Variants in SAMD11 observed in about 807,000 individuals in gnomAD.
SAMD11 encodes the protein sterile alpha motif domain-containing protein 11.
SAMD11 carries 77 observed loss-of-function variants against 64.4 expected under a neutral mutation model. The ratio of observed to expected loss-of-function variants is 1.20; its 90% CI spans 0.99 to 1.44. The LOEUF is 1.44. Among genes scored for constraint, SAMD11 ranks in the 40% most tolerant of loss-of-function variants. The pLI, the probability that SAMD11 is intolerant of heterozygous loss-of-function variation, is 0.00. For missense variants in SAMD11, 1,402 were observed against 943.3 expected, an observed-to-expected ratio of 1.49 and a Z score of -6.37; for synonymous variants, 658 against 421.9, an observed-to-expected ratio of 1.56 and a Z score of -6.86.
intron 4 of SAMD11, among the ~76,000 whole-genome samples, chr1:932,165 A>G (rs1235211058): frequency 6.6e-6 from 1 of 152,254 alleles, no homozygotes; most frequent in Non-Finnish European, 1.5e-5. Flanking sequence ...ATTTTTATGA[A>G]CTGTCATGAA....
Position 938,934 on chromosome 1 carries a change from G to A in SAMD11, c.968-106G>A, listed in dbSNP as rs117605689. ...CAAGGCCTGTACTCACCAGGACCAA[G>A]GGCCCCCTGAGAGATGGTGGGTGCG... On this transcript the variant is annotated intron_variant, in intron 5 of 13. Transcript: ENST00000616016. 3,038 of 998,772 alleles carry A rather than the reference G, an allele frequency of 3.0e-3. 91 individuals carry two copies. In the Admixed American group the frequency reaches 0.048, roughly 16 times the overall value. 61.9% of individuals were successfully genotyped at this position (998,772 alleles called of 1,614,324 possible).
rs1642013389 is a variant in SAMD11, at chr1:944,259, C to CA, written c.*112dup. Reference sequence around the variant, plus strand: ...ATTTCTTTCGGTTTCGGATGCAAAACAAAAAATTTTAAAAGAAAATGTGAC... The same window carrying CA: ...ATTTCTTTCGGTTTCGGATGCAAAACAAAAAAATTTTAAAAGAAAATGTGAC... On this transcript the variant is annotated 3_prime_UTR_variant, in exon 14 of 14. Transcript: ENST00000616016. 1.4e-6 allele frequency: 2 copies of CA among 1,452,868 alleles called. No individual in the cohort carries two copies. The highest frequency in any genetic ancestry group is 2.7e-5 in the Admixed American group (1 of 37,158). The allele number at this position is 1,452,868 out of a possible 1,614,324, so 90.0% of individuals were successfully genotyped here. A position where few individuals can be genotyped will look rare whatever the true frequency, so the allele number is the denominator to read the frequency against.
Position 935,913 on chromosome 1 carries a change from G to C in SAMD11, c.967+17G>C. ...GACCCGCCGGTGAGGAGCACAGGGG[G>C]CCTGAGGGCGGGGTCGGGGCTGTGG... On this transcript the variant is annotated intron_variant, in intron 5 of 13. Transcript: ENST00000616016. 2 of 1,611,382 alleles carry C rather than the reference G, an allele frequency of 1.2e-6. No individual in the cohort carries two copies. Among genetic ancestry groups the C allele is most frequent in the Non-Finnish European group, 1.7e-6 (2 of 1,179,066 alleles).
rs200208120 is a variant in SAMD11 at position 943,826 on chromosome 1, G to C, written c.2289+18G>C. ...GGGCCCAGGTGAGACGCTGGGGAGT[G>C]AGGTCAGGGTCTCCAGACCACAGCT... is the stretch of plus-strand genomic sequence containing the variant. On this transcript the variant is annotated intron_variant, in intron 13 of 13. Coordinates refer to ENST00000616016, the MANE Select transcript of SAMD11 (RefSeq NM_001385641.1). 16 of 1,612,954 alleles carry C rather than the reference G, an allele frequency of 9.9e-6. No individual in the cohort carries two copies. The highest frequency in any genetic ancestry group is 1.4e-5 in the Non-Finnish European group (16 of 1,179,996).
At chr1:928,989 C>G (rs561576659) in intron 2 of SAMD11, among the ~76,000 whole-genome samples, 2 of 152,186 alleles carry the variant, frequency 1.3e-5, no homozygotes, top group Non-Finnish European at 1.5e-5. Flanking sequence ...GGTGACTGAA[C>G]GGAGGAGGGA....
At position 935,832 on chromosome 1, in the gene SAMD11, G is replaced by T. The variant is rs1322022106; in HGVS notation, c.903G>T (p.Met301Ile). ...TCCACCGCAGCCGCCACCTCGTTAT[G>T]CCCGAGCATCAGAGCCGCTGTGAAT... ...SSVHRSRHLV[M>I]PEHQSRCEFQ... Residue 301 changes from methionine (M) to isoleucine (I), a missense_variant, in exon 5 of 14, where the codon ATG (methionine) becomes ATT (isoleucine). Physicochemically the swap from Met to Ile is conservative, Grantham distance 10. Coordinates refer to ENST00000616016, the MANE Select transcript of SAMD11 (RefSeq NM_001385641.1). 1.9e-6 allele frequency: 3 copies of T among 1,613,394 alleles called. No individual in the cohort carries two copies. Among genetic ancestry groups the T allele is most frequent in the Non-Finnish European group, 2.5e-6 (3 of 1,179,874 alleles).
Position 924,514 on chromosome 1 carries a change from T to TGCCGCTGCC in SAMD11, c.93_101dup (p.Pro32_Pro34dup), listed in dbSNP as rs914041204. On this transcript the variant is annotated inframe_insertion, in exon 1 of 14. Transcript: ENST00000616016. ...ACGTTCCACCCGACCCTGGCCGCGC[T>TGCCGCTGCC]GCCGCTGCCGCCGCTGCCAGGCTAC... The TGCCGCTGCC allele has an allele frequency of 7.3e-5, 11 of 149,986 alleles. 1 individual carries two copies. In the East Asian group the frequency reaches 7.8e-4, roughly 11 times the overall value. 9.3% of individuals were successfully genotyped at this position (149,986 alleles called of 1,614,324 possible).
intron 9 of SAMD11, 50 bp from the exon 10 acceptor site, chr1:942,360 C>A: frequency 8.3e-7 from 1 of 1,200,386 alleles, no homozygotes; most frequent in Non-Finnish European, 1.1e-6. Flanking sequence ...AAAGGGCCGG[C>A]TCGGACCGCC....
intron 4 of SAMD11, among the ~76,000 whole-genome samples, chr1:935,263 C>CGT (rs745947098): frequency 1.3e-5 from 2 of 152,254 alleles, no homozygotes; most frequent in African/African-American, 4.8e-5. Context: ...CTGCCGGTGC[C>CGT]GTGTGTGCGT....
In SAMD11 at chr1:944,560, A is replaced by T; in HGVS notation, c.*407A>T. The T allele has an allele frequency of 1.6e-6, 1 of 634,004 alleles. No homozygotes were observed. Among genetic ancestry groups the T allele is most frequent in the Non-Finnish European group, 2.7e-6 (1 of 374,574 alleles). 39.3% of individuals were successfully genotyped at this position (634,004 alleles called of 1,614,324 possible). ...CGTTTGGTCTTTCATGCTGAAAAAT[A>T]AATAATAAAGCCTGTCCCGTGTCTA... On this transcript the variant is annotated 3_prime_UTR_variant, in exon 14 of 14. Transcript: ENST00000616016.
At chr1:938,629 G>A (rs1641584182) in intron 5 of SAMD11, among the ~76,000 whole-genome samples, 3 of 152,170 alleles carry the variant, frequency 2.0e-5, no homozygotes, top group Non-Finnish European at 4.4e-5. Context: ...CTCACCCCAC[G>A]CTGGCATGTG....
intron 4 of SAMD11, 62 bp from the exon 5 acceptor site, chr1:935,710 C>A: frequency 6.2e-7 from 1 of 1,604,238 alleles, no homozygotes; most frequent in South Asian, 1.1e-5. Flanking sequence ...TCCCTGTGCC[C>A]AGGCTGGGCT....
At chr1:935,661 T>A in intron 4 of SAMD11, 111 bp from the exon 5 acceptor site, 1 of 1,449,272 alleles carries the variant, frequency 6.9e-7, no homozygotes, top group Non-Finnish European at 9.5e-7. Context: ...AACGTGGCAC[T>A]CAGAGGTCAT....
At position 930,226 on chromosome 1, in the gene SAMD11, T is replaced by G. The variant is rs752517447; in HGVS notation, c.681T>G (p.Thr227=). The stretch of plus-strand genomic sequence containing the variant: ...CCCGGAACCTGAAGAAGGAGCGAAC[T>G]CCCAGCTTCTCTGCCAGCGATGGTG... ...PAARNLKKER[T]PSFSASDGDS... The change falls in exon 3 of 14, where the codon ACT becomes ACG. Residue 227 remains threonine, a synonymous_variant. Transcript: ENST00000616016. 2 of 1,591,914 alleles carry G rather than the reference T, an allele frequency of 1.3e-6. No individual in the cohort carries two copies. Among genetic ancestry groups the G allele is most frequent in the Admixed American group, 3.5e-5 (2 of 56,776 alleles).
At chr1:925,050 TGCAGCTCCAGGGCTGCGC>T (rs1640809217) in intron 1 of SAMD11, 102 bp downstream of exon 1, 2 of 151,840 alleles carry the variant, frequency 1.3e-5, no homozygotes, top group Admixed American at 1.3e-4. Flanking sequence ...GAGGGGGCGC[TGCAGCTCCAGGGCTGCGC>T]GGGGACACCC....
intron 2 of SAMD11, among the ~76,000 whole-genome samples, chr1:928,805 T>C (rs1641030567): frequency 1.3e-5 from 2 of 152,216 alleles, no homozygotes; most frequent in African/African-American, 4.8e-5. Flanking sequence ...GGGGGGATGC[T>C]CCAGCTTCCA....
chr1:936,103 C>T (rs1386306689), intron 5 of SAMD11, among the ~76,000 whole-genome samples: 1 of 152,234 alleles, frequency 6.6e-6, no homozygotes, highest in African/African-American at 2.4e-5. Flanking sequence ...GCTGTGGCTG[C>T]CGCTGGGGTG....
rs752874875 is a variant in SAMD11, at chr1:941,187, G to A, written c.1239G>A (p.Arg413=). The A allele has an allele frequency of 6.2e-7, 1 of 1,601,932 alleles. No individual in the cohort carries two copies. Among genetic ancestry groups the A allele is most frequent in the Admixed American group, 1.7e-5 (1 of 58,878 alleles). Residue 413 remains arginine (R), a synonymous_variant, in exon 8 of 14, where the codon AGG becomes AGA. Transcript: ENST00000616016. ...AGGAGGTGGCGGCTGCAGCTCTGAGGGGCCCCAGTGGCCTGGAAGCCCACC... is the reference window on the plus strand; with the variant it reads ...AGGAGGTGGCGGCTGCAGCTCTGAGAGGCCCCAGTGGCCTGGAAGCCCACC... The part of the protein sequence containing the change: ...VRQEVAAAAL[R]GPSGLEAHLP...
chr1:939,583 C>T lies in SAMD11; in HGVS notation c.1195+171C>T, dbSNP rs1641640392. The T allele has an allele frequency of 4.0e-6, 5 of 1,261,208 alleles. No individual in the cohort carries two copies. In the South Asian group the frequency reaches 4.5e-5, roughly 11 times the overall value. The allele number at this position is 1,261,208 out of a possible 1,614,324, so 78.1% of individuals were successfully genotyped here. A position where few individuals can be genotyped will look rare whatever the true frequency, so the allele number is the denominator to read the frequency against. ...GCTGGATGCAGGTCCCTCTGCCACACGTCCTGCCCCATGCCCCCTGGGGCG... is the reference window on the plus strand; with the variant it reads ...GCTGGATGCAGGTCCCTCTGCCACATGTCCTGCCCCATGCCCCCTGGGGCG... On this transcript the variant is annotated intron_variant, in intron 7 of 13. Transcript: ENST00000616016.
Sources: gnomAD v4.1 joint callset for allele counts (sites outside exome capture counted in the v4.1 genomes callset) on GRCh38, gnomAD v4.1.1 for gene constraint, MANE v1.5 for transcripts, NCBI Gene and HGNC (gene_info 2026-07-23, HGNC 2026-07-21) for gene names.